Variants in GAS7 observed in about 807,000 individuals in gnomAD.
GAS7 encodes the protein growth arrest specific 7, also known as growth arrest-specific protein 7.
GAS7 carries 28 observed loss-of-function variants against 71.1 expected under a neutral mutation model. The ratio of observed to expected loss-of-function variants is 0.39; its 90% confidence interval spans 0.29 to 0.54. GAS7 has a LOEUF of 0.54. Among genes scored for constraint, GAS7 ranks in the 20% least tolerant of loss-of-function variants. The pLI, the probability that GAS7 is intolerant of heterozygous loss-of-function variation, is 0.62. For synonymous variants in GAS7, 258 were observed against 245.8 expected, an observed-to-expected ratio of 1.05 and a Z score of -0.46; for missense variants, 436 against 627.8, an observed-to-expected ratio of 0.69 and a Z score of 3.27.
intron 1 of GAS7, among the ~76,000 whole-genome samples, chr17:10,039,377 G>C (rs2072818573): frequency 6.6e-6 from 1 of 152,102 alleles, no homozygotes; most frequent in African/African-American, 2.4e-5. Context: ...TGAAGAGAAA[G>C]CCCACCTAGA....
At chr17:10,016,462 T>A (rs1257195116) in intron 2 of GAS7, among the ~76,000 whole-genome samples, 1 of 144,626 alleles carries the variant, frequency 6.9e-6, no homozygotes, top group East Asian at 2.1e-4. Flanking sequence ...CCAAGGTAGG[T>A]GCTGGAATTA....
chr17:10,005,164 C>CACGCGTGCATGTATGTGTGTGT (rs1567880102), intron 2 of GAS7, among the ~76,000 whole-genome samples: 220 of 99,112 alleles, frequency 2.2e-3, no homozygotes, highest in African/African-American at 5.5e-3. Flanking sequence ...CATGTGTGTG[C>CACGCGTGCATGTATGTGTGTGT]GCACGCATGC....
At chr17:9,935,823 C>T (rs1331885592) in intron 8 of GAS7, among the ~76,000 whole-genome samples, 5 of 152,334 alleles carry the variant, frequency 3.3e-5, no homozygotes, top group African/African-American at 1.2e-4. Flanking sequence ...AAGCTGTTGA[C>T]AATTGTCTCT....
chr17:10,040,593 C>T lies in GAS7; in HGVS notation c.184-20696G>A, dbSNP rs146303520. ...TCCCCCCCACCTTCTTTCTCTCTCC[C>T]CCCTCTCACCCATCATAAAAACAAG... On this transcript the variant is annotated intron_variant, in intron 1 of 13. Transcript: ENST00000432992. 2.0e-3 allele frequency among the ~76,000 whole-genome samples: 299 copies of T among 148,144 alleles called. 1 individual carries two copies. The highest frequency in any genetic ancestry group is 7.1e-3 in the African/African-American group (289 of 40,514).
At chr17:9,953,577 C>T (rs1395358997) in intron 5 of GAS7, among the ~76,000 whole-genome samples, 1 of 152,168 alleles carries the variant, frequency 6.6e-6, no homozygotes, top group Non-Finnish European at 1.5e-5. Flanking sequence ...ATCACAGAAG[C>T]GAGGTATCCG....
intron 3 of GAS7, among the ~76,000 whole-genome samples, chr17:9,971,337 C>G (rs2069952383): frequency 6.6e-6 from 1 of 152,044 alleles, no homozygotes; most frequent in African/African-American, 2.4e-5. Context: ...AGAGGGAGGA[C>G]TGCTTGAGCC....
chr17:9,959,169 C>A lies in GAS7; in HGVS notation c.525+33G>T, dbSNP rs767218795. 9 of 1,609,124 alleles carry A rather than the reference C, an allele frequency of 5.6e-6. No homozygotes were observed. Among genetic ancestry groups the A allele is most frequent in the Middle Eastern group, 1.9e-4 (1 of 5,378 alleles). On this transcript the variant is annotated intron_variant, in intron 5 of 13. Coordinates refer to ENST00000432992, the MANE Select transcript of GAS7 (RefSeq NM_201433.2). The surrounding 1 kb of genome is among the most constrained non-coding windows in gnomAD (Gnocchi z 5.0). ...CCAGCCAAATGCCCCAGCTCGCAGC[C>A]CACCCTGAGGGCGCCCCTCGGGAGC... is the stretch of plus-strand genomic sequence containing the variant.
intron 9 of GAS7, among the ~76,000 whole-genome samples, chr17:9,930,045 G>A (rs1028014492): frequency 1.3e-5 from 2 of 152,210 alleles, no homozygotes; most frequent in Non-Finnish European, 2.9e-5. Context: ...ACACTGTCTA[G>A]TCTGATATTT....
rs537689184 is a variant in GAS7 at position 10,071,279 on chromosome 17, A to G, written c.184-51382T>C. ...GCAAGTGGCTTTGCACATCTGAGAA[A>G]TGGAACCAAAAATATCACATACTAC... is the stretch of plus-strand genomic sequence containing the variant. On this transcript the variant is annotated intron_variant, in intron 1 of 13. Transcript: ENST00000432992. Among the ~76,000 whole-genome samples the G allele has an allele frequency of 2.0e-5, 3 of 152,300 alleles. No homozygotes were observed. In the East Asian group the frequency reaches 5.8e-4, roughly 29 times the overall value.
intron 1 of GAS7, among the ~76,000 whole-genome samples, chr17:10,118,361 G>T (rs2073878434): frequency 6.6e-6 from 1 of 152,140 alleles, no homozygotes; most frequent in African/African-American, 2.4e-5. Context: ...CTCACTACCT[G>T]GTCAGCCTCT....
intron 1 of GAS7, among the ~76,000 whole-genome samples, chr17:10,053,541 C>T (rs2073092078): frequency 6.6e-6 from 1 of 152,178 alleles, no homozygotes; most frequent in Non-Finnish European, 1.5e-5. Context: ...GGGTCACACA[C>T]CACCAGCCCC....
chr17:10,179,112 C>T (rs2142140190), intron 1 of GAS7, among the ~76,000 whole-genome samples: 1 of 152,130 alleles, frequency 6.6e-6, no homozygotes, highest in East Asian at 1.9e-4. Context: ...GGCGGATCAC[C>T]TGAGGTCGGG....
chr17:10,057,192 T>C (rs1262276361), intron 1 of GAS7, among the ~76,000 whole-genome samples: 1 of 152,228 alleles, frequency 6.6e-6, no homozygotes, highest in African/African-American at 2.4e-5. Context: ...AGTGCCCAGA[T>C]TGCAGCCTCT....
At chr17:10,142,422 G>T (rs540323074) in intron 1 of GAS7, among the ~76,000 whole-genome samples, 1 of 152,164 alleles carries the variant, frequency 6.6e-6, no homozygotes, top group Non-Finnish European at 1.5e-5. Flanking sequence ...AGGCTGGAGT[G>T]CAGTGGCACG....
chr17:9,986,779 T>G (rs2070666388), intron 2 of GAS7, among the ~76,000 whole-genome samples: 1 of 152,188 alleles, frequency 6.6e-6, no homozygotes, highest in Non-Finnish European at 1.5e-5. Flanking sequence ...TCAGGGACGA[T>G]GCAGCTGCCT....
intron 1 of GAS7, among the ~76,000 whole-genome samples, chr17:10,089,274 A>G (rs910422678): frequency 6.6e-6 from 1 of 152,212 alleles, no homozygotes; most frequent in Non-Finnish European, 1.5e-5. Flanking sequence ...ACAAAATAAC[A>G]GTAGAAAAAA....
intron 1 of GAS7, among the ~76,000 whole-genome samples, chr17:10,073,843 A>G (rs1052675490): frequency 6.6e-6 from 1 of 152,108 alleles, no homozygotes; most frequent in Non-Finnish European, 1.5e-5. Context: ...CAGTTCTCTA[A>G]CTCACTTATC....
Position 10,198,557 on chromosome 17 carries a change from C to T in GAS7, c.-167G>A, listed in dbSNP as rs934582858. 1.5e-5 allele frequency: 6 copies of T among 400,600 alleles called. No homozygotes were observed. The highest frequency in any genetic ancestry group is 2.6e-5 in the Non-Finnish European group (6 of 233,408). The allele number at this position is 400,600 out of a possible 1,614,324, so 24.8% of individuals were successfully genotyped here. ...TCCTCAGGCAGGCGGGGGACGCGCG[C>T]TCCGCGCCGGGAAGCAGAGACTCGT... On this transcript the variant is annotated 5_prime_UTR_variant, in exon 1 of 14. Transcript: ENST00000432992.
intron 3 of GAS7, among the ~76,000 whole-genome samples, chr17:9,972,006 T>C (rs2069988455): frequency 6.6e-6 from 1 of 152,184 alleles, no homozygotes; most frequent in Non-Finnish European, 1.5e-5. Context: ...TGAGTGCCTG[T>C]GCGCAGCTGG....
Sources: allele counts gnomAD v4.1 joint callset (sites outside exome capture counted in the v4.1 genomes callset), GRCh38; gene constraint gnomAD v4.1.1; non-coding constraint Gnocchi (gnomAD v3.1); transcripts MANE v1.5; gene names NCBI Gene and HGNC (gene_info 2026-07-23, HGNC 2026-07-21).